Variants in ZCCHC7 observed in about 807,000 individuals in gnomAD.
ZCCHC7 encodes the protein zinc finger CCHC domain-containing protein 7.
A neutral mutation model predicts 52.0 loss-of-function variants in ZCCHC7; 35 were observed. The ratio of observed to expected loss-of-function variants is 0.67; its 90% CI spans 0.51 to 0.89. The LOEUF (loss-of-function observed/expected upper bound fraction) is 0.89. Ranked by LOEUF, ZCCHC7 falls within the 40% of genes least tolerant of loss-of-function variation. The probability of loss-of-function intolerance (pLI) is 0.00; values close to 1 mark genes in which losing one functional copy is unlikely to be tolerated. For missense variants in ZCCHC7, 574 were observed against 649.1 expected, an observed-to-expected ratio of 0.88 and a Z score of 1.26; for synonymous variants, 217 against 221.5, an observed-to-expected ratio of 0.98 and a Z score of 0.18.
intron 2 of ZCCHC7, among the ~76,000 whole-genome samples, chr9:37,179,722 G>A (rs1822246803): frequency 6.6e-6 from 1 of 152,102 alleles, no homozygotes; most frequent in South Asian, 2.1e-4. Flanking sequence ...GGATAATACA[G>A]AATCCCATCA....
At chr9:37,304,346 T>C in intron 4 of ZCCHC7, 33 bp downstream of exon 4, 1 of 1,607,548 alleles carries the variant, frequency 6.2e-7, no homozygotes, top group Non-Finnish European at 8.5e-7. Flanking sequence ...CTTTCCACAT[T>C]TGTAAACTCA....
chr9:37,263,857 C>G (rs1826976403), intron 2 of ZCCHC7, among the ~76,000 whole-genome samples: 1 of 152,108 alleles, frequency 6.6e-6, no homozygotes, highest in African/African-American at 2.4e-5. Flanking sequence ...ACTTATGAAG[C>G]AAATTATTAA....
At chr9:37,341,326 T>A (rs547151230) in intron 6 of ZCCHC7, among the ~76,000 whole-genome samples, 10 of 152,346 alleles carry the variant, frequency 6.6e-5, no homozygotes, top group African/African-American at 2.4e-4. Context: ...TTTCCCAAAG[T>A]ATGCAAGTTT....
intron 2 of ZCCHC7, among the ~76,000 whole-genome samples, chr9:37,289,395 C>T (rs977486251): frequency 6.6e-5 from 10 of 152,130 alleles, no homozygotes; most frequent in East Asian, 5.8e-4. Context: ...GTGATCTGCC[C>T]GCCTCGGCCT....
intron 2 of ZCCHC7, among the ~76,000 whole-genome samples, chr9:37,145,987 G>A (rs1843417323): frequency 6.6e-6 from 1 of 151,848 alleles, no homozygotes; most frequent in Non-Finnish European, 1.5e-5. Flanking sequence ...ATCTTTAAGT[G>A]AATATACCTG....
At chr9:37,165,045 A>G (rs1057188516) in intron 2 of ZCCHC7, among the ~76,000 whole-genome samples, 3 of 152,234 alleles carry the variant, frequency 2.0e-5, no homozygotes, top group Admixed American at 1.3e-4. Context: ...TCTGTCAACA[A>G]TATAACTTTA....
At chr9:37,209,844 A>T (rs1027977684) in intron 2 of ZCCHC7, among the ~76,000 whole-genome samples, 1 of 152,142 alleles carries the variant, frequency 6.6e-6, no homozygotes, top group African/African-American at 2.4e-5. Context: ...CATGCTAAAG[A>T]TTATTTGTGG....
Position 37,152,930 on chromosome 9 carries a change from A to G in ZCCHC7, c.610+25988A>G, listed in dbSNP as rs377720683. On this transcript the variant is annotated intron_variant, in intron 2 of 8. Transcript: ENST00000336755. The stretch of plus-strand genomic sequence containing the variant: ...ATAAAAATTATTTGGAATTCTTCCT[A>G]TGGGTGATTTGTCTGTTCTTGCCCA... Among the ~76,000 whole-genome samples, 54 of 152,206 alleles carry G rather than the reference A, an allele frequency of 3.5e-4. No homozygotes were observed. In the South Asian group the frequency reaches 0.011, roughly 31 times the overall value.
intron 2 of ZCCHC7, among the ~76,000 whole-genome samples, chr9:37,251,625 A>C (rs1826333264): frequency 6.6e-6 from 1 of 152,184 alleles, no homozygotes; most frequent in South Asian, 2.1e-4. Context: ...AAAGGATTGA[A>C]AGTTGTATTT....
At chr9:37,152,241 GTTTTTTTT>G (rs11338917) in intron 2 of ZCCHC7, among the ~76,000 whole-genome samples, 1 of 149,666 alleles carries the variant, frequency 6.7e-6, no homozygotes, top group Non-Finnish European at 1.5e-5. Flanking sequence ...GCTGTTTTTT[GTTTTTTTT>G]TTTAATTTTA....
intron 2 of ZCCHC7, among the ~76,000 whole-genome samples, chr9:37,296,984 A>T (rs1030441989): frequency 2.0e-5 from 3 of 150,242 alleles, no homozygotes; most frequent in Non-Finnish European, 3.0e-5. Flanking sequence ...CAGTCCTCCC[A>T]CCTTGGCCTC....
intron 5 of ZCCHC7, among the ~76,000 whole-genome samples, chr9:37,306,761 C>CTTTTTTTTTTTTTTTTT (rs1265092730): frequency 1.2e-5 from 1 of 85,838 alleles, no homozygotes; most frequent in Non-Finnish European, 2.4e-5. Context: ...CTGTACCCGA[C>CTTTTTTTTTTTTTTTTT]CTTTTTTTTT....
intron 8 of ZCCHC7, among the ~76,000 whole-genome samples, chr9:37,355,596 G>A (rs747290128): frequency 6.6e-5 from 10 of 152,194 alleles, no homozygotes; most frequent in South Asian, 2.1e-4. Context: ...AATATAAAAT[G>A]TATGTCATCT....
chr9:37,239,880 T>C (rs1825807047), intron 2 of ZCCHC7, among the ~76,000 whole-genome samples: 1 of 152,140 alleles, frequency 6.6e-6, no homozygotes, highest in South Asian at 2.1e-4. Flanking sequence ...CAAAGACTTT[T>C]TCTTTTTGCT....
intron 2 of ZCCHC7, among the ~76,000 whole-genome samples, chr9:37,263,345 C>T (rs1826952792): frequency 6.6e-6 from 1 of 151,680 alleles, no homozygotes; most frequent in Non-Finnish European, 1.5e-5. Flanking sequence ...TTTCTATATA[C>T]CCTTATATTT....
chr9:37,137,977 T>C (rs993519565), intron 2 of ZCCHC7, among the ~76,000 whole-genome samples: 31 of 152,170 alleles, frequency 2.0e-4, no homozygotes, highest in Non-Finnish European at 4.1e-4. Flanking sequence ...TTCTGCCTTA[T>C]AACTGAAAAA....
chr9:37,341,223 A>G (rs1820615310), intron 6 of ZCCHC7, among the ~76,000 whole-genome samples: 2 of 152,296 alleles, frequency 1.3e-5, no homozygotes, highest in South Asian at 2.1e-4. Flanking sequence ...AGGGGAGACA[A>G]TAAGGAAGCT....
At position 37,353,300 on chromosome 9, in the gene ZCCHC7, T is replaced by A. The variant is rs1297946015; in HGVS notation, c.1084-1410T>A. ...GGCCAGGCACTGTGGCTCATGCCTG[T>A]CATCTCAACACTTTGGGATGCCAAG... On this transcript the variant is annotated intron_variant, in intron 7 of 8. Transcript: ENST00000336755. 7.2e-5 allele frequency among the ~76,000 whole-genome samples: 11 copies of A among 152,320 alleles called. No individual in the cohort carries two copies. The East Asian group carries it at 2.1e-3, about 29-fold the overall frequency.
rs111330860 is a variant in ZCCHC7 at position 37,168,306 on chromosome 9, G to A, written c.610+41364G>A. Among the ~76,000 whole-genome samples the A allele has an allele frequency of 7.2e-5, 11 of 152,142 alleles. 1 individual carries two copies. The highest frequency in any genetic ancestry group is 2.1e-4 in the South Asian group (1 of 4,814). On this transcript the variant is annotated intron_variant, in intron 2 of 8. Coordinates refer to ENST00000336755, the MANE Select transcript of ZCCHC7 (RefSeq NM_032226.3). ...ATTTTTTGATGGTTTCAGGTGGGAC[G>A]GGAAATCTGATCCCTGTTAATTTAT...
Sources: gnomAD v4.1 joint callset for allele counts (sites outside exome capture counted in the v4.1 genomes callset) on GRCh38, gnomAD v4.1.1 for gene constraint, MANE v1.5 for transcripts, NCBI Gene and HGNC (gene_info 2026-07-23, HGNC 2026-07-21) for gene names.